COLQ: variants seen among roughly 807,000 people sequenced by gnomAD.
COLQ encodes the protein acetylcholinesterase collagenic tail peptide.
COLQ carries 48 observed loss-of-function variants against 69.0 expected under a neutral mutation model. That is an observed-to-expected ratio of 0.70 (90% confidence interval 0.55 to 0.88). The LOEUF (loss-of-function observed/expected upper bound fraction) is 0.88. Ranked by LOEUF, COLQ falls within the 40% of genes least tolerant of loss-of-function variation. COLQ has a pLI of 0.00. For missense variants in COLQ, 618 were observed against 594.6 expected (o/e 1.04, Z -0.41); for synonymous variants, 217 against 211.2 (o/e 1.03, Z -0.24).
intron 3 of COLQ, among the ~76,000 whole-genome samples, chr3:15,479,770 T>C (rs1017546143): frequency 2.6e-5 from 4 of 152,240 alleles, no homozygotes; most frequent in Admixed American, 2.6e-4. Flanking sequence ...TCAGTTACTC[T>C]TGCCAAACTT....
chr3:15,494,995 C>G (rs747286976), intron 1 of COLQ, among the ~76,000 whole-genome samples: 10 of 152,168 alleles, frequency 6.6e-5, no homozygotes, highest in Non-Finnish European at 1.3e-4. Flanking sequence ...TTTTACAGAT[C>G]CATTAACTGA....
chr3:15,498,825 T>A (rs1575490172), intron 1 of COLQ: 3 of 1,443,094 alleles, frequency 2.1e-6, no homozygotes, highest in Non-Finnish European at 2.7e-6. Flanking sequence ...AACACTGCTG[T>A]AGGGGAGGCT....
intron 3 of COLQ, among the ~76,000 whole-genome samples, chr3:15,486,399 G>A (rs2062575500): frequency 6.6e-6 from 1 of 152,164 alleles, no homozygotes; most frequent in Non-Finnish European, 1.5e-5. Flanking sequence ...TTTGAGTAGG[G>A]ACAGCATCCA....
chr3:15,455,443 C>G (rs975362575), intron 15 of COLQ, among the ~76,000 whole-genome samples: 10 of 152,380 alleles, frequency 6.6e-5, no homozygotes, highest in African/African-American at 2.4e-4. Flanking sequence ...GACAGCAGCT[C>G]TGGCTGGCCC....
At chr3:15,486,718 C>A (rs1168988005) in intron 3 of COLQ, among the ~76,000 whole-genome samples, 1 of 152,184 alleles carries the variant, frequency 6.6e-6, no homozygotes, top group Non-Finnish European at 1.5e-5. Flanking sequence ...GGTTCAAAGT[C>A]CTGTTTTCTT....
At chr3:15,497,596 C>G (rs573688237) in intron 1 of COLQ, among the ~76,000 whole-genome samples, 1 of 152,286 alleles carries the variant, frequency 6.6e-6, no homozygotes, top group South Asian at 2.1e-4. Context: ...CAAGTGCAGC[C>G]ATTTAACTGT....
chr3:15,477,173 G>A lies in COLQ; in HGVS notation c.418C>T (p.Pro140Ser). ...RKGRPGPPGV[P>S]GMPGPIGWPG... ...CAACCGATGGGCCCAGGCATGCCAG[G>A]AACACCTGGGGGGCCAGGTCTACCC... is the stretch of plus-strand genomic sequence containing the variant. Residue 140 changes from proline (P) to serine (S), a missense_variant, in exon 6 of 17, where the codon CCT becomes TCT. Coordinates refer to ENST00000383788, the MANE Select transcript of COLQ (RefSeq NM_005677.4). The A allele has an allele frequency of 2.5e-6, 4 of 1,606,898 alleles. No homozygotes were observed. Among genetic ancestry groups the A allele is most frequent in the African/African-American group, 1.3e-5 (1 of 74,988 alleles).
chr3:15,470,424 G>A (rs1272170304), intron 11 of COLQ, 112 bp downstream of exon 11: 14 of 946,508 alleles, frequency 1.5e-5, no homozygotes, highest in Admixed American at 3.4e-5. Context: ...AGAGGATGCT[G>A]GAGTCAAGGT....
At chr3:15,478,893 G>C (rs1309332473) in intron 5 of COLQ, 84 bp downstream of exon 5, 1 of 1,532,814 alleles carries the variant, frequency 6.5e-7, no homozygotes. Flanking sequence ...GAAGTGCATT[G>C]CTGTTCCCCC....
chr3:15,483,662 T>C lies in COLQ; in HGVS notation c.322-4280A>G, dbSNP rs549885415. Among the ~76,000 whole-genome samples, 278 of 152,328 alleles carry C rather than the reference T, an allele frequency of 1.8e-3. 2 individuals carry two copies. The highest frequency in any genetic ancestry group is 6.5e-3 in the African/African-American group (269 of 41,570). ...GTGGTCAGTTTTGGAATAAGTGTGA[T>C]GTGGTGGTGAGAAGAATGTATATTC... is the stretch of plus-strand genomic sequence containing the variant. On this transcript the variant is annotated intron_variant, in intron 3 of 16. Transcript: ENST00000383788.
chr3:15,451,719 G>A lies in COLQ; in HGVS notation c.1299-6C>T, dbSNP rs781130479. On this transcript the variant is annotated splice_region_variant and splice_polypyrimidine_tract_variant and intron_variant, in intron 16 of 16. Coordinates refer to ENST00000383788, the MANE Select transcript of COLQ (RefSeq NM_005677.4). Reference sequence around the variant, plus strand: ...ATTGCAGGTCTCCATATGACCTGAGGGAGGCAAAGACACGTTCTAAAAGGC... The same window carrying A: ...ATTGCAGGTCTCCATATGACCTGAGAGAGGCAAAGACACGTTCTAAAAGGC... 1 of 1,613,290 alleles carries A rather than the reference G, an allele frequency of 6.2e-7. No individual in the cohort carries two copies. The highest frequency in any genetic ancestry group is 8.5e-7 in the Non-Finnish European group (1 of 1,179,342).
At chr3:15,482,819 G>A (rs2062511890) in intron 3 of COLQ, among the ~76,000 whole-genome samples, 1 of 152,150 alleles carries the variant, frequency 6.6e-6, no homozygotes, top group Non-Finnish European at 1.5e-5. Context: ...GGTAGAATTT[G>A]GCTATGAATC....
chr3:15,500,710 T>G (rs1223657884), intron 1 of COLQ, among the ~76,000 whole-genome samples: 1 of 151,844 alleles, frequency 6.6e-6, no homozygotes, highest in Non-Finnish European at 1.5e-5. Flanking sequence ...TCTCTGTGTC[T>G]CTCTATCTAT....
At chr3:15,471,877 A>G (rs2062293926) in intron 10 of COLQ, among the ~76,000 whole-genome samples, 1 of 152,132 alleles carries the variant, frequency 6.6e-6, no homozygotes, top group Admixed American at 6.6e-5. Context: ...TGGATGCCGC[A>G]TGCCATGGAG....
intron 3 of COLQ, among the ~76,000 whole-genome samples, chr3:15,483,838 G>A (rs1211298351): frequency 1.4e-4 from 22 of 152,144 alleles, no homozygotes; most frequent in Non-Finnish European, 2.9e-4. Flanking sequence ...TTATTATTGG[G>A]TGGGAGTCTA....
intron 1 of COLQ, among the ~76,000 whole-genome samples, chr3:15,518,797 C>G (rs1482799549): frequency 6.6e-6 from 1 of 152,202 alleles, no homozygotes; most frequent in Non-Finnish European, 1.5e-5. Context: ...TCCCTCAGAG[C>G]AGAGGCCACA....
In COLQ at chr3:15,473,885, A is replaced by G. The variant is rs748325929; in HGVS notation, c.636+115T>C. 3.1e-5 allele frequency: 37 copies of G among 1,198,170 alleles called. No individual in the cohort carries two copies. The highest frequency in any genetic ancestry group is 3.0e-4 in the East Asian group (12 of 40,174). The allele number at this position is 1,198,170 out of a possible 1,614,324, so 74.2% of individuals were successfully genotyped here. Reference sequence around the variant, plus strand: ...TTCCCGTCCCAAAATAGAAGTTTCCATGGTTAAACCCACCATCCCTGCCTG... The same window carrying G: ...TTCCCGTCCCAAAATAGAAGTTTCCGTGGTTAAACCCACCATCCCTGCCTG... On this transcript the variant is annotated intron_variant, in intron 10 of 16. Coordinates refer to ENST00000383788, the MANE Select transcript of COLQ (RefSeq NM_005677.4). This position sits in a 1 kb window ranked among gnomAD's most constrained non-coding sequence, Gnocchi z 4.0.
intron 3 of COLQ, among the ~76,000 whole-genome samples, chr3:15,486,247 T>A (rs1272533512): frequency 6.6e-6 from 1 of 152,216 alleles, no homozygotes; most frequent in Non-Finnish European, 1.5e-5. Context: ...AATGTGCAGA[T>A]GACCCACTCC....
At position 15,475,480 on chromosome 3, in the gene COLQ, T is replaced by G. The variant is rs1278879838; in HGVS notation, c.473A>C (p.Lys158Thr). The G allele has an allele frequency of 3.1e-6, 5 of 1,597,794 alleles. No individual in the cohort carries two copies. The highest frequency in any genetic ancestry group is 4.3e-6 in the Non-Finnish European group (5 of 1,171,106). The change falls in exon 7 of 17, where the codon AAA becomes ACA. Residue 158 changes from lysine (K) to threonine (T), a missense_variant. By Grantham distance (78) the Lys-to-Thr change is moderately conservative (BLOSUM62 -1). Coordinates refer to ENST00000383788, the MANE Select transcript of COLQ (RefSeq NM_005677.4). ...WPGPEGPRGE[K>T]GDLGMMGLPG... ...CAAGCCCATCATACCCAGGTCACCTTTTTCACCCTGTGGGAATTAGAAGAA... is the reference window on the plus strand; with the variant it reads ...CAAGCCCATCATACCCAGGTCACCTGTTTCACCCTGTGGGAATTAGAAGAA...
Sources: allele counts gnomAD v4.1 joint callset (sites outside exome capture counted in the v4.1 genomes callset), GRCh38; gene constraint gnomAD v4.1.1; non-coding constraint Gnocchi (gnomAD v3.1); transcripts MANE v1.5; gene names NCBI Gene and HGNC (gene_info 2026-07-23, HGNC 2026-07-21).